The following STPG1 variants were observed in gnomAD, a reference collection of about 807,000 sequenced individuals.
STPG1 encodes sperm tail PG-rich repeat containing 1.
A neutral mutation model predicts 40.1 loss-of-function variants in STPG1; 33 were observed. The observed-to-expected ratio is 0.82, with a 90% confidence interval of 0.62 to 1.10. The LOEUF is 1.10. Ranked by LOEUF, STPG1 falls within the 50% of genes least tolerant of loss-of-function variation. The pLI, the probability that STPG1 is intolerant of heterozygous loss-of-function variation, is 0.00. For synonymous variants in STPG1, 150 were observed against 155.0 expected (o/e 0.97, Z 0.24); for missense variants, 396 against 415.1 (o/e 0.95, Z 0.40).
intron 6 of STPG1, among the ~76,000 whole-genome samples, chr1:24,371,585 C>G (rs1160709957): frequency 7.2e-6 from 1 of 139,198 alleles, no homozygotes; most frequent in Non-Finnish European, 1.6e-5. Flanking sequence ...AGCGAGACTC[C>G]CTCTCAAAAA....
chr1:24,366,690 G>A (rs77361591), intron 7 of STPG1, among the ~76,000 whole-genome samples: 1 of 152,122 alleles, frequency 6.6e-6, no homozygotes, highest in African/African-American at 2.4e-5. Context: ...TGAGTCCATG[G>A]TGAGCAAACC....
At chr1:24,366,848 G>T (rs1641494159) in intron 7 of STPG1, among the ~76,000 whole-genome samples, 1 of 152,182 alleles carries the variant, frequency 6.6e-6, no homozygotes, top group Admixed American at 6.5e-5. Flanking sequence ...CCCCTCATCA[G>T]GGTGAACCCA....
In STPG1 at chr1:24,358,384, T is replaced by C. The variant is rs754438612; in HGVS notation, c.*159A>G. 1.2e-5 allele frequency: 9 copies of C among 729,746 alleles called. No individual in the cohort carries two copies. In the Admixed American group the frequency reaches 1.6e-4, roughly 13 times the overall value. 45.2% of individuals were successfully genotyped at this position (729,746 alleles called of 1,614,324 possible). On this transcript the variant is annotated 3_prime_UTR_variant, in exon 9 of 9. Transcript: ENST00000337248. ...TGTCTCCAGCTCAAGACAAAGGCAA[T>C]GGCAGCAGTCCGGCTAGGATGCCAG...
intron 2 of STPG1, among the ~76,000 whole-genome samples, chr1:24,392,887 GAA>G (rs1642841580): frequency 6.6e-6 from 1 of 152,002 alleles, no homozygotes; most frequent in Non-Finnish European, 1.5e-5. Flanking sequence ...AAGGAAAGAA[GAA>G]AGTATGTGTT....
intron 2 of STPG1, among the ~76,000 whole-genome samples, chr1:24,400,355 C>G (rs950160647): frequency 6.6e-6 from 1 of 152,106 alleles, no homozygotes. Context: ...TTTACTTTTG[C>G]AGGGAAGGGA....
At position 24,374,622 on chromosome 1, in the gene STPG1, CT is replaced by C. The variant is rs745337991; in HGVS notation, c.463-813del. 1.3e-4 allele frequency among the ~76,000 whole-genome samples: 20 copies of C among 149,208 alleles called. No homozygotes were observed. The South Asian group carries it at 3.6e-3, about 27-fold the overall frequency. On this transcript the variant is annotated intron_variant, in intron 5 of 8. Transcript: ENST00000337248. Reference sequence around the variant, plus strand: ...CAAATTATCTTCATTATTGTTGCTACTTTTTTTTTGTTTGTTTTTGGAGACT... The same window carrying C: ...CAAATTATCTTCATTATTGTTGCTACTTTTTTTTGTTTGTTTTTGGAGACT...
intron 2 of STPG1, among the ~76,000 whole-genome samples, chr1:24,394,393 A>G (rs939988949): frequency 1.3e-5 from 2 of 152,244 alleles, no homozygotes; most frequent in Non-Finnish European, 2.9e-5. Context: ...TATTTATGGG[A>G]CTACAAAAAT....
intron 2 of STPG1, among the ~76,000 whole-genome samples, chr1:24,394,226 A>T (rs1343197207): frequency 6.6e-6 from 1 of 152,222 alleles, no homozygotes; most frequent in Non-Finnish European, 1.5e-5. Context: ...TTCATGGAAC[A>T]TAGAGTATGC....
At chr1:24,395,589 C>T (rs911009152) in intron 2 of STPG1, among the ~76,000 whole-genome samples, 2 of 151,832 alleles carry the variant, frequency 1.3e-5, no homozygotes, top group Non-Finnish European at 1.5e-5. Flanking sequence ...CCCGCCACCG[C>T]GCCCGGCTAA....
In STPG1 at chr1:24,396,287, CT is replaced by C. The variant is rs532040047; in HGVS notation, c.71-4609del. 7.9e-3 allele frequency among the ~76,000 whole-genome samples: 824 copies of C among 103,814 alleles called. 8 individuals are homozygous for C. Among genetic ancestry groups the C allele is most frequent in the African/African-American group, 0.026 (764 of 28,920 alleles). 68.1% of individuals were successfully genotyped at this position (103,814 alleles called of 152,430 possible). A position where few individuals can be genotyped will look rare whatever the true frequency, so the allele number is the denominator to read the frequency against. On this transcript the variant is annotated intron_variant, in intron 2 of 8. Coordinates refer to ENST00000337248, the MANE Select transcript of STPG1 (RefSeq NM_001199013.2). Reference sequence around the variant, plus strand: ...CATCTATAGCTATCTATCTATCTATCTATCTATCTATCATCTATCTATCTTA... The same window carrying C: ...CATCTATAGCTATCTATCTATCTATCATCTATCTATCATCTATCTATCTTA...
intron 8 of STPG1, 152 bp from the exon 9 acceptor site, chr1:24,358,771 C>T (rs1190783222): frequency 6.5e-6 from 4 of 613,716 alleles, no homozygotes; most frequent in East Asian, 2.7e-5. Context: ...GGAACTGGCC[C>T]GAGGTTATTT....
In STPG1 at chr1:24,391,538, AACCCCT is replaced by A. The variant is rs2148705390; in HGVS notation, c.189+17_189+22del. 7.1e-7 allele frequency: 1 copy of A among 1,405,570 alleles called. No individual in the cohort carries two copies. The highest frequency in any genetic ancestry group is 9.8e-7 in the Non-Finnish European group (1 of 1,017,704). The allele number at this position is 1,405,570 out of a possible 1,614,324, so 87.1% of individuals were successfully genotyped here. The stretch of plus-strand genomic sequence containing the variant: ...GCTAAAATCCAGACTAAAACGAAAG[AACCCCT>A]GAGACAACGTCATTACCTTCTTATG... On this transcript the variant is annotated intron_variant, in intron 3 of 8. Coordinates refer to ENST00000337248, the MANE Select transcript of STPG1 (RefSeq NM_001199013.2).
intron 7 of STPG1, among the ~76,000 whole-genome samples, chr1:24,366,813 C>T (rs1005593132): frequency 1.3e-5 from 2 of 152,114 alleles, no homozygotes; most frequent in Non-Finnish European, 2.9e-5. Flanking sequence ...ATACAAATGT[C>T]GTGCTATAGA....
chr1:24,405,819 T>C (rs1276667227), intron 1 of STPG1, among the ~76,000 whole-genome samples: 3 of 152,156 alleles, frequency 2.0e-5, no homozygotes, highest in Non-Finnish European at 2.9e-5. Flanking sequence ...TCTTATTTTT[T>C]CTGATATTAA....
At chr1:24,371,590 CAAAA>C (rs11348704) in intron 6 of STPG1, among the ~76,000 whole-genome samples, 2 of 108,168 alleles carry the variant, frequency 1.8e-5, no homozygotes, top group Admixed American at 9.1e-5. Context: ...GACTCCCTCT[CAAAA>C]AAAAAAAAAA....
intron 7 of STPG1, among the ~76,000 whole-genome samples, chr1:24,362,437 C>T (rs1362048581): frequency 6.6e-6 from 1 of 152,164 alleles, no homozygotes; most frequent in Non-Finnish European, 1.5e-5. Flanking sequence ...TCTAGTCATG[C>T]CACTTACTGG....
At position 24,374,502 on chromosome 1, in the gene STPG1, G is replaced by A. The variant is rs190516104; in HGVS notation, c.463-692C>T. 3.7e-3 allele frequency among the ~76,000 whole-genome samples: 560 copies of A among 151,898 alleles called. 6 individuals carry two copies. Among genetic ancestry groups the A allele is most frequent in the African/African-American group, 0.012 (510 of 41,444 alleles). Reference sequence around the variant, plus strand: ...CCTCGATCTCCTGACCTCGTGATCCGCCCGCCTCGGCCTCCCAAAGTGCTG... The same window carrying A: ...CCTCGATCTCCTGACCTCGTGATCCACCCGCCTCGGCCTCCCAAAGTGCTG... On this transcript the variant is annotated intron_variant, in intron 5 of 8. Coordinates refer to ENST00000337248, the MANE Select transcript of STPG1 (RefSeq NM_001199013.2).
chr1:24,378,778 T>C (rs1230692431), intron 5 of STPG1, among the ~76,000 whole-genome samples: 1 of 152,254 alleles, frequency 6.6e-6, no homozygotes, highest in Admixed American at 6.5e-5. Context: ...CATTAATGTC[T>C]TAAGTACAAT....
intron 7 of STPG1, among the ~76,000 whole-genome samples, chr1:24,362,844 C>A (rs2148678082): frequency 6.6e-6 from 1 of 152,292 alleles, no homozygotes; most frequent in South Asian, 2.1e-4. Context: ...ACAAAGGTAC[C>A]CACAGGGAAA....
Sources: allele counts gnomAD v4.1 joint callset (sites outside exome capture counted in the v4.1 genomes callset), GRCh38; gene constraint gnomAD v4.1.1; transcripts MANE v1.5; gene names NCBI Gene and HGNC (gene_info 2026-07-23, HGNC 2026-07-21).